OR4N2: variants seen among roughly 807,000 people sequenced by gnomAD.
The protein encoded by OR4N2 is olfactory receptor 4N2.
For missense variants in OR4N2, 307 were observed against 377.6 expected (o/e 0.81, Z 1.55); for synonymous variants, 141 against 140.4 (o/e 1.00, Z -0.03).
At position 19,827,575 on chromosome 14, in the gene OR4N2, T is replaced by G. The variant is rs1879733603; in HGVS notation, c.127T>G (p.Phe43Val). The change falls in exon 2 of 2, where the codon TTT becomes GTT. Residue 43 changes from phenylalanine (F) to valine (V), a missense_variant. Transcript: ENST00000557677. ...IFYFIILPGN[F>V]LIIFTIKSDP... ...CTACTTCATCATCCTCCCTGGAAAT[T>G]TTCTCATTATTTTCACCATAAAGTC... is the stretch of plus-strand genomic sequence containing the variant. 1.2e-6 allele frequency: 2 copies of G among 1,614,168 alleles called. No homozygotes were observed. Among genetic ancestry groups the G allele is most frequent in the Non-Finnish European group, 1.7e-6 (2 of 1,180,020 alleles).
At chr14:19,806,509 C>T (rs1457979075) in intron 1 of OR4N2, among the ~76,000 whole-genome samples, 1 of 152,208 alleles carries the variant, frequency 6.6e-6, no homozygotes, top group Non-Finnish European at 1.5e-5. Context: ...GGGTTCAATT[C>T]AACAAGAAGA....
intron 1 of OR4N2, among the ~76,000 whole-genome samples, chr14:19,813,256 T>C (rs1260591056): frequency 6.6e-6 from 1 of 152,278 alleles, no homozygotes; most frequent in African/African-American, 2.4e-5. Flanking sequence ...TTTCTCTATT[T>C]TCCTCTGTGC....
intron 1 of OR4N2, among the ~76,000 whole-genome samples, chr14:19,821,529 A>ATTTATTTAATAT (rs1460882766): frequency 6.6e-6 from 1 of 152,120 alleles, no homozygotes; most frequent in East Asian, 1.9e-4. Flanking sequence ...ATCTCTCATC[A>ATTTATTTAATAT]TTTATTTAAT....
chr14:19,828,471 A>T lies in OR4N2; in HGVS notation c.*99A>T. On this transcript the variant is annotated 3_prime_UTR_variant, in exon 2 of 2. Coordinates refer to ENST00000557677, the MANE Select transcript of OR4N2 (RefSeq NM_001004723.3). ...GTACTGCAATCACTGAGTACCTCCC[A>T]TTTGTCAGGACTATTCTGGGAACTG... 1 of 1,181,108 alleles carries T rather than the reference A, an allele frequency of 8.5e-7. No homozygotes were observed. The highest frequency in any genetic ancestry group is 1.2e-6 in the Non-Finnish European group (1 of 852,506). 73.2% of individuals were successfully genotyped at this position (1,181,108 alleles called of 1,614,324 possible).
At position 19,827,742 on chromosome 14, in the gene OR4N2, C is replaced by A. The variant is rs1308526836; in HGVS notation, c.294C>A (p.Ile98=). 1.9e-6 allele frequency: 3 copies of A among 1,614,148 alleles called. No homozygotes were observed. Among genetic ancestry groups the A allele is most frequent in the African/African-American group, 1.3e-5 (1 of 74,950 alleles). The change falls in exon 2 of 2, where the codon ATC becomes ATA. Residue 98 remains isoleucine (I), a synonymous_variant. Transcript: ENST00000557677. ...AKKIISYRGC[I]TQLFFLHFLG... is the part of the protein sequence containing the mutation. ...AGATAATCTCCTACAGAGGCTGCAT[C>A]ACTCAGCTCTTTTTCTTGCACTTCC...
chr14:19,805,765 T>C (rs1879149041), intron 1 of OR4N2, among the ~76,000 whole-genome samples: 1 of 152,136 alleles, frequency 6.6e-6, no homozygotes, highest in African/African-American at 2.4e-5. Flanking sequence ...GTACGAGATG[T>C]ACAAGGCACA....
intron 1 of OR4N2, among the ~76,000 whole-genome samples, chr14:19,808,525 G>C (rs1879220657): frequency 6.6e-6 from 1 of 151,700 alleles, no homozygotes; most frequent in African/African-American, 2.4e-5. Flanking sequence ...CAGTTAACCA[G>C]AAAACTCTAC....
chr14:19,810,600 G>T (rs146268236), intron 1 of OR4N2, among the ~76,000 whole-genome samples: 2,481 of 151,870 alleles, frequency 0.016, 3 homozygotes, highest in Non-Finnish European at 0.022. Context: ...ACTGTATAAA[G>T]AAAATGTGGT....
rs767558716 is a variant in OR4N2, at chr14:19,828,276, A to G, written c.828A>G (p.Thr276=). ...ACAAGGTGGTTTCTCTCTTCCACAC[A>G]GTGATTTTTCCTTTGTTGAATCCTG... The part of the protein sequence containing the change: ...PADKVVSLFH[T]VIFPLLNPVI... Residue 276 remains threonine, a synonymous_variant, in exon 2 of 2, where the codon ACA becomes ACG. Coordinates refer to ENST00000557677, the MANE Select transcript of OR4N2 (RefSeq NM_001004723.3). 3.1e-6 allele frequency: 5 copies of G among 1,614,066 alleles called. No individual in the cohort carries two copies. In the South Asian group the frequency reaches 3.3e-5, roughly 11 times the overall value.
At chr14:19,821,178 G>T (rs1336195144) in intron 1 of OR4N2, among the ~76,000 whole-genome samples, 1 of 152,272 alleles carries the variant, frequency 6.6e-6, no homozygotes, top group Non-Finnish European at 1.5e-5. Flanking sequence ...CCTTGGCTGG[G>T]GAGGGAGTTC....
At chr14:19,812,366 G>T (rs1355522911) in intron 1 of OR4N2, among the ~76,000 whole-genome samples, 1 of 122,570 alleles carries the variant, frequency 8.2e-6, no homozygotes, top group Non-Finnish European at 1.6e-5. Flanking sequence ...TCGCTCTGTC[G>T]CCCAGGCTGG....
chr14:19,810,174 T>C (rs960416526), intron 1 of OR4N2, among the ~76,000 whole-genome samples: 8 of 152,122 alleles, frequency 5.3e-5, no homozygotes, highest in African/African-American at 1.7e-4. Context: ...TCTTTAAAAA[T>C]TGGGCAAAGG....
At chr14:19,818,045 T>C (rs1310889343) in intron 1 of OR4N2, among the ~76,000 whole-genome samples, 2 of 152,276 alleles carry the variant, frequency 1.3e-5, no homozygotes, top group African/African-American at 4.8e-5. Flanking sequence ...CACTGTGGTC[T>C]GAGAGACTAT....
At chr14:19,818,106 A>G (rs555613580) in intron 1 of OR4N2, among the ~76,000 whole-genome samples, 1 of 152,356 alleles carries the variant, frequency 6.6e-6, no homozygotes, top group African/African-American at 2.4e-5. Flanking sequence ...TTTACTTCCA[A>G]GTATGTGGTC....
intron 1 of OR4N2, among the ~76,000 whole-genome samples, chr14:19,823,862 A>G (rs1193304173): frequency 1.3e-5 from 2 of 152,228 alleles, no homozygotes; most frequent in African/African-American, 4.8e-5. Context: ...AAAAATAAGG[A>G]AGGAGGTTGA....
At position 19,827,347 on chromosome 14, in the gene OR4N2, A is replaced by G. The variant is rs1375321742; in HGVS notation, c.-9-93A>G. On this transcript the variant is annotated intron_variant, in intron 1 of 1. Coordinates refer to ENST00000557677, the MANE Select transcript of OR4N2 (RefSeq NM_001004723.3). ...GGGAAATGTTGTTTTTAGCTGAAGTACTGCATGTGCCAAATATTTTTTAGC... is the reference window on the plus strand; with the variant it reads ...GGGAAATGTTGTTTTTAGCTGAAGTGCTGCATGTGCCAAATATTTTTTAGC... The G allele has an allele frequency of 2.9e-5, 32 of 1,117,608 alleles. No individual in the cohort carries two copies. In the African/African-American group the frequency reaches 3.8e-4, roughly 13 times the overall value. The allele number at this position is 1,117,608 out of a possible 1,614,324, so 69.2% of individuals were successfully genotyped here. A position where few individuals can be genotyped will look rare whatever the true frequency, so the allele number is the denominator to read the frequency against.
chr14:19,827,781 G>C lies in OR4N2; in HGVS notation c.333G>C (p.Glu111Asp), dbSNP rs1471360661. The change falls in exon 2 of 2, where the codon GAG becomes GAC. Residue 111 changes from glutamate to aspartate, a missense_variant. Glu to Asp is a conservative substitution (Grantham distance 45). Transcript: ENST00000557677. ...TCTTGCACTTCCTTGGAGGAGGGGA[G>C]GGATTACTCCTTGTTGTGATGGCCT... ...LFFLHFLGGGEGLLLVVMAFD... is the reference protein window; with the variant it reads ...LFFLHFLGGGDGLLLVVMAFD... 4 of 1,614,128 alleles carry C rather than the reference G, an allele frequency of 2.5e-6. No homozygotes were observed. The highest frequency in any genetic ancestry group is 3.4e-6 in the Non-Finnish European group (4 of 1,180,050).
At chr14:19,808,298 C>T (rs549360881) in intron 1 of OR4N2, among the ~76,000 whole-genome samples, 4 of 152,276 alleles carry the variant, frequency 2.6e-5, no homozygotes, top group African/African-American at 9.6e-5. Context: ...CAAACTATTT[C>T]TATTCACTGA....
chr14:19,816,457 G>A (rs2138471042), intron 1 of OR4N2, among the ~76,000 whole-genome samples: 1 of 152,294 alleles, frequency 6.6e-6, no homozygotes, highest in South Asian at 2.1e-4. Context: ...TCTCTTTGTA[G>A]CAATTGTGAA....
Sources: allele counts gnomAD v4.1 joint callset (sites outside exome capture counted in the v4.1 genomes callset), GRCh38; gene constraint gnomAD v4.1.1; transcripts MANE v1.5; gene names NCBI Gene and HGNC (gene_info 2026-07-23, HGNC 2026-07-21).